Variants in TMEM181 observed in about 807,000 individuals in gnomAD.
TMEM181 encodes the protein G protein-coupled receptor 178.
Under a neutral mutation model 71.9 loss-of-function variants are expected in TMEM181, and 39 were observed. That is an observed-to-expected ratio of 0.54 (90% confidence interval 0.42 to 0.71). The LOEUF (loss-of-function observed/expected upper bound fraction) is 0.71. Ranked by LOEUF, TMEM181 falls within the 30% of genes least tolerant of loss-of-function variation. TMEM181 has a pLI of 0.00. For synonymous variants in TMEM181, 245 were observed against 228.8 expected (o/e 1.07, Z -0.64); for missense variants, 595 against 583.0 (o/e 1.02, Z -0.21).
rs150598013 is a variant in TMEM181 at position 158,581,253 on chromosome 6, A to C, written c.168+258A>C. On this transcript the variant is annotated intron_variant, in intron 3 of 16. Coordinates refer to ENST00000684151, the MANE Select transcript of TMEM181 (RefSeq NM_001376852.1). ...CTTAGGGAGCAGTTGTTCATTTCCA[A>C]AGAGTGGCTAACTCATCCTGATTCC... Among the ~76,000 whole-genome samples the C allele has an allele frequency of 1.0e-3, 154 of 152,316 alleles. 2 individuals are homozygous for C. Among genetic ancestry groups the C allele is most frequent in the African/African-American group, 3.2e-3 (135 of 41,568 alleles).
At chr6:158,556,632 A>G (rs774318500), upstream of TMEM181, among the ~76,000 whole-genome samples, 3 of 152,222 alleles carry the variant, frequency 2.0e-5, no homozygotes, top group Non-Finnish European at 4.4e-5. Context: ...ATGTCCTCGC[A>G]AAAGTGTAAG....
intron 1 of TMEM181, among the ~76,000 whole-genome samples, chr6:158,571,761 C>T (rs1052955494): frequency 1.3e-5 from 2 of 152,240 alleles, no homozygotes; most frequent in Non-Finnish European, 2.9e-5. Context: ...GAGCCTGCAG[C>T]GCCGTCCCAG....
chr6:158,628,982 G>A (rs755083975), intron 14 of TMEM181, among the ~76,000 whole-genome samples: 6 of 152,228 alleles, frequency 3.9e-5, no homozygotes, highest in Non-Finnish European at 5.9e-5. Flanking sequence ...GGGTATGACA[G>A]TTGTGGCAGG....
chr6:158,599,913 G>T (rs1325058776), intron 6 of TMEM181, among the ~76,000 whole-genome samples: 1 of 152,236 alleles, frequency 6.6e-6, no homozygotes, highest in Admixed American at 6.5e-5. Flanking sequence ...GCTGACAGGG[G>T]CGGCCTCCCA....
At chr6:158,568,841 C>T (rs1019435795) in intron 1 of TMEM181, among the ~76,000 whole-genome samples, 9 of 152,164 alleles carry the variant, frequency 5.9e-5, no homozygotes, top group African/African-American at 1.9e-4. Context: ...AGACACCTCC[C>T]CTCTCCCATC....
At chr6:158,596,888 C>T (rs1784414512) in intron 6 of TMEM181, among the ~76,000 whole-genome samples, 1 of 152,150 alleles carries the variant, frequency 6.6e-6, no homozygotes, top group South Asian at 2.1e-4. Context: ...CGATGACCTC[C>T]CCCGGGTCCC....
At chr6:158,612,693 C>T (rs1371820481) in intron 10 of TMEM181, among the ~76,000 whole-genome samples, 1 of 152,198 alleles carries the variant, frequency 6.6e-6, no homozygotes, top group African/African-American at 2.4e-5. Flanking sequence ...AGCAACATTT[C>T]TTTCCCAATG....
intron 6 of TMEM181, among the ~76,000 whole-genome samples, chr6:158,598,146 C>G (rs1010434884): frequency 3.3e-5 from 5 of 152,208 alleles, no homozygotes; most frequent in Non-Finnish European, 4.4e-5. Context: ...TATGCAGTGA[C>G]CTTTGACACT....
chr6:158,611,717 G>A (rs1315199166), intron 10 of TMEM181: 5 of 239,646 alleles, frequency 2.1e-5, no homozygotes, highest in South Asian at 2.1e-4. Flanking sequence ...GGGGAGGAAT[G>A]TAAGAGTTAA....
Position 158,629,741 on chromosome 6 carries a change from T to G in TMEM181, c.1204T>G (p.Leu402Val), listed in dbSNP as rs1786552866. Residue 402 changes from leucine (L) to valine (V), a missense_variant, in exon 15 of 17, where the codon TTA becomes GTA. Leu to Val is a conservative substitution (Grantham distance 32, BLOSUM62 1). Transcript: ENST00000684151. ...CTTGACAGCACCACCAGCCGAGTTCTTATCTTTCTATGGCCTGTTGAACTT... is the reference window on the plus strand; with the variant it reads ...CTTGACAGCACCACCAGCCGAGTTCGTATCTTTCTATGGCCTGTTGAACTT... ...STHYQNSAEF[L>V]SFYGLLNFYL... 1 of 1,610,394 alleles carries G rather than the reference T, an allele frequency of 6.2e-7. No homozygotes were observed. The highest frequency in any genetic ancestry group is 1.3e-5 in the African/African-American group (1 of 74,724).
intron 1 of TMEM181, among the ~76,000 whole-genome samples, chr6:158,560,845 C>A (rs748419324): frequency 6.6e-6 from 1 of 151,604 alleles, no homozygotes; most frequent in East Asian, 1.9e-4. Flanking sequence ...TCTTTGAAGT[C>A]CAGGGTTTTT....
chr6:158,605,131 A>AAGG, intron 6 of TMEM181, 136 bp from the exon 7 acceptor site: 3 of 159,680 alleles, frequency 1.9e-5, no homozygotes, highest in Admixed American at 1.1e-4. Flanking sequence ...AAAAAAAAAA[A>AAGG]GTGTGTGTGT....
exon 1 of TMEM181, chr6:158,536,722 G>T: frequency 3.8e-6 from 6 of 1,563,104 alleles, no homozygotes; most frequent in Non-Finnish European, 5.2e-6. Context: ...CGGGACCCGG[G>T]AGGCTGCGCG....
rs1785112726 is a variant in TMEM181 at position 158,608,730 on chromosome 6, T to TA, written c.877dup (p.Thr293AsnfsTer9). ...TTGGACTATTGTGGTTGGCTTCTGT[T>TA]ACGCTAGGAATATGGCAAACGTGAG... On this transcript the variant is annotated frameshift_variant, in exon 10 of 17. Coordinates refer to ENST00000684151, the MANE Select transcript of TMEM181 (RefSeq NM_001376852.1). LOFTEE classifies it high-confidence loss of function. 2 of 1,613,390 alleles carry TA rather than the reference T, an allele frequency of 1.2e-6. No individual in the cohort carries two copies. The highest frequency in any genetic ancestry group is 1.7e-6 in the Non-Finnish European group (2 of 1,179,836).
chr6:158,544,252 G>GAAAC (rs1781453806), intron 1 of TMEM181, among the ~76,000 whole-genome samples: 1 of 149,134 alleles, frequency 6.7e-6, no homozygotes, highest in East Asian at 2.0e-4. Flanking sequence ...GAAGGCAGAG[G>GAAAC]AAACAGGCTC....
intron 8 of TMEM181, among the ~76,000 whole-genome samples, chr6:158,607,828 A>AAT (rs1469693786): frequency 1.3e-5 from 2 of 152,192 alleles, no homozygotes; most frequent in African/African-American, 4.8e-5. Flanking sequence ...CTCTCTAACA[A>AAT]ATAGGCGGCT....
In TMEM181 at chr6:158,579,061, C is replaced by G. The variant is rs554961712; in HGVS notation, c.113-1879C>G. ...ATCACCTGAGGTTAGAAGTTCGATT[C>G]CAGCCTAACCAACATGGTGAAACCC... On this transcript the variant is annotated intron_variant, in intron 2 of 16. Transcript: ENST00000684151. 6.8e-4 allele frequency among the ~76,000 whole-genome samples: 103 copies of G among 151,014 alleles called. No individual in the cohort carries two copies. The South Asian group carries it at 0.017, about 25-fold the overall frequency.
chr6:158,560,407 C>T (rs1019620365), intron 1 of TMEM181, among the ~76,000 whole-genome samples, 175 bp downstream of exon 1: 2 of 152,058 alleles, frequency 1.3e-5, no homozygotes, highest in Non-Finnish European at 2.9e-5. Context: ...GAGGTGTTTG[C>T]GCGGGGCGAG....
chr6:158,623,451 A>G, intron 10 of TMEM181, 99 bp from the exon 11 acceptor site: 1 of 760,824 alleles, frequency 1.3e-6, no homozygotes. Flanking sequence ...AGTAGTTTAT[A>G]TTAATAAGTA....
Sources: gnomAD v4.1 joint callset for allele counts (sites outside exome capture counted in the v4.1 genomes callset) on GRCh38, gnomAD v4.1.1 for gene constraint, MANE v1.5 for transcripts, NCBI Gene and HGNC (gene_info 2026-07-23, HGNC 2026-07-21) for gene names.